The following LIPA variants were observed in gnomAD, a reference collection of about 807,000 sequenced individuals.
LIPA encodes lipase A, lysosomal acid type.
A neutral mutation model predicts 40.6 loss-of-function variants in LIPA; 26 were observed. That is an observed-to-expected ratio of 0.64 (90% CI 0.47 to 0.89). LIPA has a LOEUF of 0.89. Among genes scored for constraint, LIPA ranks in the 40% least tolerant of loss-of-function variants. LIPA has a pLI of 0.00. For synonymous variants in LIPA, 188 were observed against 168.4 expected, an observed-to-expected ratio of 1.12 and a Z score of -0.90; for missense variants, 455 against 479.6, an observed-to-expected ratio of 0.95 and a Z score of 0.48.
chr10:89,367,819 A>G lies in LIPA; in HGVS notation c.61+44972T>C, dbSNP rs192285671. Among the ~76,000 whole-genome samples the G allele has an allele frequency of 8.1e-4, 123 of 151,982 alleles. 1 individual carries two copies. In the Middle Eastern group the frequency reaches 0.017, roughly 21 times the overall value. On this transcript the variant is annotated intron_variant, in intron 2 of 8. Coordinates refer to the LIPA transcript ENST00000371837. ...GAACTTCTTTTGTGCCAGAAACAGA[A>G]ACTATTTTTTTTTTCCAGAGACAGG...
intron 2 of LIPA, among the ~76,000 whole-genome samples, chr10:89,367,813 A>G (rs983166382): frequency 1.3e-5 from 2 of 151,972 alleles, no homozygotes; most frequent in Non-Finnish European, 2.9e-5. Context: ...TTGTGCCAGA[A>G]ACAGAAACTA....
chr10:89,383,677 G>A (rs2133604433), intron 2 of LIPA: 2 of 1,614,250 alleles, frequency 1.2e-6, no homozygotes, highest in Non-Finnish European at 1.7e-6. Flanking sequence ...GGACAAGGTG[G>A]AGAACACTTG....
intron 2 of LIPA, among the ~76,000 whole-genome samples, chr10:89,355,852 G>A (rs1233506824): frequency 6.6e-6 from 1 of 152,138 alleles, no homozygotes; most frequent in Non-Finnish European, 1.5e-5. Flanking sequence ...TTTTGCCATG[G>A]CAACATTCAG....
intron 2 of LIPA, among the ~76,000 whole-genome samples, chr10:89,382,722 C>A (rs1844172785): frequency 6.6e-6 from 1 of 152,190 alleles, no homozygotes; most frequent in Non-Finnish European, 1.5e-5. Context: ...ACTTGGAACC[C>A]CTCCATTTAG....
chr10:89,222,547 A>C lies in LIPA; in HGVS notation c.858T>G (p.Ala286=). The change falls in exon 8 of 10, where the codon GCT becomes GCG. Residue 286 remains alanine, a synonymous_variant. Coordinates refer to ENST00000336233, the MANE Select transcript of LIPA (RefSeq NM_000235.4). ...GTAACATGTTTTGCACAGAAGTTCCAGCAGGAGAATGTGTTGTATATACAT... is the reference window on the plus strand; with the variant it reads ...GTAACATGTTTTGCACAGAAGTTCCCGCAGGAGAATGTGTTGTATATACAT... The part of the protein sequence containing the change: ...RVDVYTTHSP[A]GTSVQNMLHW... 1 of 1,610,786 alleles carries C rather than the reference A, an allele frequency of 6.2e-7. No individual in the cohort carries two copies. Among genetic ancestry groups the C allele is most frequent in the Non-Finnish European group, 8.5e-7 (1 of 1,176,910 alleles).
At chr10:89,363,736 C>CACT (rs1014894914) in intron 2 of LIPA, among the ~76,000 whole-genome samples, 7 of 128,046 alleles carry the variant, frequency 5.5e-5, no homozygotes, top group African/African-American at 2.2e-4. Context: ...AAGATCATGC[C>CACT]ACTGTACTCC....
At chr10:89,377,805 A>C (rs372462472) in intron 2 of LIPA, among the ~76,000 whole-genome samples, 2 of 152,198 alleles carry the variant, frequency 1.3e-5, no homozygotes, top group East Asian at 3.9e-4. Flanking sequence ...ACTGAATGTC[A>C]TCATAAAGTC....
chr10:89,340,366 G>C (rs1370232557), intron 1 of LIPA: 1 of 332,366 alleles, frequency 3.0e-6, no homozygotes, highest in African/African-American at 2.1e-5. Flanking sequence ...AGACCATCCT[G>C]GCTAACACAG....
At chr10:89,386,469 G>A (rs888207007) in intron 2 of LIPA, among the ~76,000 whole-genome samples, 3 of 152,304 alleles carry the variant, frequency 2.0e-5, no homozygotes, top group Non-Finnish European at 4.4e-5. Flanking sequence ...ACTTTTCCCT[G>A]TAAACAAGGT....
intron 2 of LIPA, among the ~76,000 whole-genome samples, chr10:89,368,817 G>A (rs556040495): frequency 6.6e-6 from 1 of 152,076 alleles, no homozygotes; most frequent in African/African-American, 2.4e-5. Flanking sequence ...ATCTGGAGGA[G>A]TCCAAAGTAG....
chr10:89,236,433 T>C (rs1842905554), intron 3 of LIPA, among the ~76,000 whole-genome samples: 1 of 152,258 alleles, frequency 6.6e-6, no homozygotes, highest in Non-Finnish European at 1.5e-5. Context: ...AAGTGATCTC[T>C]TGCAGTTCTC....
In LIPA at chr10:89,220,726, C is replaced by T. The variant is rs141945037; in HGVS notation, c.894+1785G>A. ...CAGGCTCTTCCTAGTTCCTTAGAGA[C>T]GAGCCCCAGGGAAAGGAGAACTATA... On this transcript the variant is annotated intron_variant, in intron 8 of 9. Coordinates refer to ENST00000336233, the MANE Select transcript of LIPA (RefSeq NM_000235.4). Among the ~76,000 whole-genome samples the T allele has an allele frequency of 3.0e-3, 461 of 152,216 alleles. 1 individual carries two copies. Among genetic ancestry groups the T allele is most frequent in the Non-Finnish European group, 4.1e-3 (282 of 68,012 alleles).
At chr10:89,327,540 G>T (rs1427244195) in intron 1 of LIPA, among the ~76,000 whole-genome samples, 1 of 151,728 alleles carries the variant, frequency 6.6e-6, no homozygotes, top group Non-Finnish European at 1.5e-5. Context: ...AACAGAGTAA[G>T]ACTCTGTCTC....
chr10:89,408,607 T>G (rs1287277180), intron 2 of LIPA, among the ~76,000 whole-genome samples: 1 of 152,210 alleles, frequency 6.6e-6, no homozygotes, highest in Non-Finnish European at 1.5e-5. Flanking sequence ...CCTGGGTACA[T>G]GTCCCCTGCT....
chr10:89,225,537 T>C (rs1407048681), intron 5 of LIPA, among the ~76,000 whole-genome samples: 5 of 152,240 alleles, frequency 3.3e-5, no homozygotes, highest in African/African-American at 1.2e-4. Flanking sequence ...ACAATGTAAA[T>C]AACAGACTAT....
At chr10:89,237,583 T>A (rs892731249) in intron 3 of LIPA, among the ~76,000 whole-genome samples, 6 of 152,186 alleles carry the variant, frequency 3.9e-5, no homozygotes, top group Admixed American at 2.6e-4. Context: ...GGGTTGATGG[T>A]CAGGTCTGCC....
chr10:89,304,467 C>T (rs1456214239), intron 1 of LIPA, among the ~76,000 whole-genome samples: 1 of 152,154 alleles, frequency 6.6e-6, no homozygotes, highest in Admixed American at 6.5e-5. Flanking sequence ...GTCACATAAT[C>T]TTCTATCTAG....
At chr10:89,231,182 A>C (rs1368658995) in intron 3 of LIPA, among the ~76,000 whole-genome samples, 1 of 152,238 alleles carries the variant, frequency 6.6e-6, no homozygotes, top group Non-Finnish European at 1.5e-5. Flanking sequence ...ACCAAAGAGG[A>C]GTGTAAAATA....
intron 2 of LIPA, among the ~76,000 whole-genome samples, chr10:89,373,367 C>CAA (rs1456669762): frequency 4.2e-5 from 6 of 144,576 alleles, no homozygotes; most frequent in African/African-American, 1.6e-4. Flanking sequence ...AACTGGAACA[C>CAA]GTGGGAGTCA....
Sources: allele counts gnomAD v4.1 joint callset (sites outside exome capture counted in the v4.1 genomes callset), GRCh38; gene constraint gnomAD v4.1.1; transcripts MANE v1.5; gene names NCBI Gene and HGNC (gene_info 2026-07-23, HGNC 2026-07-21).